AGO3: variants seen among roughly 807,000 people sequenced by gnomAD.
The protein encoded by AGO3 is protein argonaute-3.
A neutral mutation model predicts 105.5 loss-of-function variants in AGO3; 16 were observed. That is an observed-to-expected ratio of 0.15 (90% CI 0.10 to 0.23). The LOEUF is 0.23. AGO3 is among the 10% of genes least tolerant of loss of function. The probability of loss-of-function intolerance (pLI) is 1.00; values close to 1 mark genes in which losing one functional copy is unlikely to be tolerated. For synonymous variants in AGO3, 340 were observed against 367.3 expected, an observed-to-expected ratio of 0.93 and a Z score of 0.85; for missense variants, 534 against 1,088.0, an observed-to-expected ratio of 0.49 and a Z score of 7.16.
intron 11 of AGO3, among the ~76,000 whole-genome samples, chr1:36,020,421 T>C (rs564509545): frequency 2.0e-5 from 3 of 152,322 alleles, no homozygotes; most frequent in South Asian, 4.1e-4. Context: ...CAGTTTTATA[T>C]ATCACTCTGT....
rs562165825 is a variant in AGO3 at position 36,070,044 on chromosome 1, G to A, written c.*14299G>A. On this transcript the variant is annotated 3_prime_UTR_variant, in exon 19 of 19. Transcript: ENST00000373191. ...TGCACTCCAGCCTGGGCAACAAAGC[G>A]AAGCTCTGTCTCAATAAAAAAAAAA... is the stretch of plus-strand genomic sequence containing the variant. 10 of 152,124 alleles carry A rather than the reference G, an allele frequency of 6.6e-5. 1 individual carries two copies. The highest frequency in any genetic ancestry group is 2.2e-4 in the African/African-American group (9 of 41,502). The allele number at this position is 152,124 out of a possible 1,614,324, so 9.4% of individuals were successfully genotyped here.
intron 5 of AGO3, among the ~76,000 whole-genome samples, chr1:35,998,011 T>C (rs1290837652): frequency 6.6e-6 from 1 of 152,200 alleles, no homozygotes; most frequent in Non-Finnish European, 1.5e-5. Context: ...ATAAAAGATA[T>C]ATGAGTTTTA....
intron 5 of AGO3, among the ~76,000 whole-genome samples, chr1:36,001,383 C>T (rs1569714319): frequency 6.6e-6 from 1 of 152,066 alleles, no homozygotes; most frequent in East Asian, 1.9e-4. Flanking sequence ...AAAAACAACC[C>T]ATAACTCTCC....
intron 5 of AGO3, among the ~76,000 whole-genome samples, chr1:35,976,989 G>A (rs540386326): frequency 2.6e-5 from 4 of 151,892 alleles, no homozygotes; most frequent in Non-Finnish European, 4.4e-5. Flanking sequence ...GTGACCTGCC[G>A]TTTTTTGTTT....
chr1:36,010,458 G>A (rs944699075), intron 9 of AGO3, among the ~76,000 whole-genome samples: 3 of 152,000 alleles, frequency 2.0e-5, no homozygotes, highest in Non-Finnish European at 4.4e-5. Flanking sequence ...GCAAAAATCA[G>A]TGGGGCATGG....
chr1:36,023,994 T>TTCC (rs1375780518), intron 11 of AGO3, among the ~76,000 whole-genome samples: 1 of 152,182 alleles, frequency 6.6e-6, no homozygotes, highest in Admixed American at 6.5e-5. Context: ...TCTCTTAGGC[T>TTCC]TCCAGACCTC....
chr1:36,036,296 A>G, intron 14 of AGO3, 29 bp downstream of exon 14: 1 of 1,597,592 alleles, frequency 6.3e-7, no homozygotes, highest in African/African-American at 1.3e-5. Context: ...TATCTTACCT[A>G]AGGTTGACAG....
intron 2 of AGO3, among the ~76,000 whole-genome samples, chr1:35,951,147 C>T (rs1034312672): frequency 2.6e-5 from 4 of 152,248 alleles, no homozygotes; most frequent in East Asian, 3.9e-4. Flanking sequence ...GTCGGGGTTT[C>T]GCCATGTTGA....
At chr1:35,968,408 A>C (rs1165662637) in intron 3 of AGO3, among the ~76,000 whole-genome samples, 1 of 152,134 alleles carries the variant, frequency 6.6e-6, no homozygotes, top group Non-Finnish European at 1.5e-5. Flanking sequence ...TCAAAACTGA[A>C]ACTCCATATC....
At position 36,058,554 on chromosome 1, in the gene AGO3, T is replaced by C. The variant is rs1413824232; in HGVS notation, c.*2809T>C. The stretch of plus-strand genomic sequence containing the variant: ...GTGAAACCTAATGGATTTAGATCTT[T>C]AGTTTCTCTCTTACCTGTAATCCAC... On this transcript the variant is annotated 3_prime_UTR_variant, in exon 19 of 19. Coordinates refer to ENST00000373191, the MANE Select transcript of AGO3 (RefSeq NM_024852.4). 1 of 152,186 alleles carries C rather than the reference T, an allele frequency of 6.6e-6. No homozygotes were observed. Among genetic ancestry groups the C allele is most frequent in the Non-Finnish European group, 1.5e-5 (1 of 68,036 alleles). The allele number at this position is 152,186 out of a possible 1,614,324, so 9.4% of individuals were successfully genotyped here. A position where few individuals can be genotyped will look rare whatever the true frequency, so the allele number is the denominator to read the frequency against.
intron 13 of AGO3, among the ~76,000 whole-genome samples, chr1:36,035,891 G>A (rs1312369617): frequency 6.6e-6 from 1 of 152,042 alleles, no homozygotes; most frequent in African/African-American, 2.4e-5. Flanking sequence ...AAATTAGCCG[G>A]GTGTGGTGGC....
chr1:35,956,064 T>A (rs1261741886), intron 2 of AGO3, among the ~76,000 whole-genome samples: 3 of 152,302 alleles, frequency 2.0e-5, no homozygotes, highest in Non-Finnish European at 2.9e-5. Flanking sequence ...TAAATATAAA[T>A]ATGTCTAATT....
chr1:35,982,602 G>A, intron 5 of AGO3: 1 of 717,442 alleles, frequency 1.4e-6, no homozygotes. Context: ...ATAGTGACAT[G>A]ATCATATTTG....
Position 36,055,394 on chromosome 1 carries a change from CAGAT to C in AGO3, c.2475-239_2475-236del, listed in dbSNP as rs558681763. On this transcript the variant is annotated intron_variant, in intron 18 of 18. Coordinates refer to ENST00000373191, the MANE Select transcript of AGO3 (RefSeq NM_024852.4). The surrounding 1 kb of genome is among the most constrained non-coding windows in gnomAD (Gnocchi z 4.4). Reference sequence around the variant, plus strand: ...TTGGTAATAAAGTGATACATTCAGACAGATAGACAAAATGATACGATATCTAGGT... The same window carrying C: ...TTGGTAATAAAGTGATACATTCAGACAGACAAAATGATACGATATCTAGGT... 109 of 612,684 alleles carry C rather than the reference CAGAT, an allele frequency of 1.8e-4. No homozygotes were observed. Among genetic ancestry groups the C allele is most frequent in the African/African-American group, 1.2e-3 (67 of 54,118 alleles). 38.0% of individuals were successfully genotyped at this position (612,684 alleles called of 1,614,324 possible).
At position 35,931,367 on chromosome 1, in the gene AGO3, C is replaced by A. The variant is rs1048279555; in HGVS notation, c.-60C>A. On this transcript the variant is annotated 5_prime_UTR_variant, in exon 1 of 19. Transcript: ENST00000373191. The stretch of plus-strand genomic sequence containing the variant: ...TCGCGCCGCGTCGCCCCCCGGGCCG[C>A]CTCCTTGCCGCCAGTGGCGGGCTCC... 1.1e-4 allele frequency: 161 copies of A among 1,405,132 alleles called. No homozygotes were observed. The highest frequency in any genetic ancestry group is 1.4e-4 in the Non-Finnish European group (147 of 1,073,598). 87.0% of individuals were successfully genotyped at this position (1,405,132 alleles called of 1,614,324 possible).
intron 12 of AGO3, among the ~76,000 whole-genome samples, chr1:36,031,322 A>G (rs886986558): frequency 6.6e-6 from 1 of 152,098 alleles, no homozygotes; most frequent in Non-Finnish European, 1.5e-5. Flanking sequence ...TACTACAGGC[A>G]TGACCCACAC....
chr1:35,948,281 G>C (rs968089012), intron 2 of AGO3, among the ~76,000 whole-genome samples: 1 of 149,922 alleles, frequency 6.7e-6, no homozygotes, highest in Admixed American at 6.7e-5. Context: ...GCAATGGCGC[G>C]ATTTCCGCTC....
At chr1:36,036,371 T>G (rs1642008740) in intron 14 of AGO3, 104 bp downstream of exon 14, 3 of 1,111,978 alleles carry the variant, frequency 2.7e-6, no homozygotes, top group Non-Finnish European at 4.0e-6. Flanking sequence ...CCAACTTTCA[T>G]AAATGTTCTT....
chr1:36,041,271 T>G (rs967362611), intron 16 of AGO3, among the ~76,000 whole-genome samples: 3 of 132,740 alleles, frequency 2.3e-5, no homozygotes, highest in South Asian at 5.4e-4. Flanking sequence ...AGACGGAGTC[T>G]CACTCTGTCG....
Sources: gnomAD v4.1 joint callset for allele counts (sites outside exome capture counted in the v4.1 genomes callset) on GRCh38, gnomAD v4.1.1 for gene constraint, Gnocchi (gnomAD v3.1) non-coding constraint, MANE v1.5 for transcripts, NCBI Gene and HGNC (gene_info 2026-07-23, HGNC 2026-07-21) for gene names.